Variants in RNF217 observed in about 807,000 individuals in gnomAD.
The protein encoded by RNF217 is ring finger protein 217, also known as E3 ubiquitin-protein ligase RNF217.
RNF217 carries 31 observed loss-of-function variants against 57.8 expected under a neutral mutation model. That is an observed-to-expected ratio of 0.54 (90% CI 0.40 to 0.72). The LOEUF is 0.72. Among genes scored for constraint, RNF217 ranks in the 30% least tolerant of loss-of-function variants. The pLI is 0.00. For missense variants in RNF217, 696 were observed against 708.3 expected (o/e 0.98, Z 0.20); for synonymous variants, 313 against 294.0 (o/e 1.06, Z -0.66).
intron 1 of RNF217, among the ~76,000 whole-genome samples, chr6:125,020,149 C>G (rs1785780387): frequency 6.6e-6 from 1 of 152,198 alleles, no homozygotes; most frequent in Non-Finnish European, 1.5e-5. Context: ...GCTACCATTG[C>G]AATTCGCAGA....
chr6:125,031,039 A>G lies in RNF217; in HGVS notation c.883-14172A>G, dbSNP rs137942083. Among the ~76,000 whole-genome samples the G allele has an allele frequency of 1.5e-3, 221 of 152,334 alleles. 1 individual carries two copies. The highest frequency in any genetic ancestry group is 5.1e-3 in the African/African-American group (212 of 41,582). On this transcript the variant is annotated intron_variant, in intron 1 of 5. Transcript: ENST00000521654. ...ACTTCTTTGCACATGCACGCGGAAC[A>G]CCACATGGAAGCTGTCAAGGTTTGG...
intron 1 of RNF217, among the ~76,000 whole-genome samples, chr6:125,023,058 T>G (rs1472064315): frequency 6.6e-6 from 1 of 152,054 alleles, no homozygotes; most frequent in Non-Finnish European, 1.5e-5. Flanking sequence ...ACAAACAATT[T>G]TGCTAGAATA....
chr6:125,003,046 A>C (rs1428815568), intron 1 of RNF217, among the ~76,000 whole-genome samples: 1 of 152,196 alleles, frequency 6.6e-6, no homozygotes, highest in East Asian at 1.9e-4. Flanking sequence ...AGTGGTAGCC[A>C]AAGATTAAAT....
intron 1 of RNF217, among the ~76,000 whole-genome samples, chr6:124,987,760 T>G (rs2115033081): frequency 6.6e-6 from 1 of 152,138 alleles, no homozygotes; most frequent in East Asian, 1.9e-4. Flanking sequence ...ATACCTTGCC[T>G]GGCTCTTATT....
intron 3 of RNF217, among the ~76,000 whole-genome samples, chr6:125,076,345 C>G (rs763180093): frequency 6.6e-6 from 1 of 152,122 alleles, no homozygotes; most frequent in Non-Finnish European, 1.5e-5. Flanking sequence ...TAAATTGCCT[C>G]CTAACCGTTG....
At chr6:125,082,707 A>G (rs1240262526) in intron 5 of RNF217, 157 bp from the exon 6 acceptor site, 69 of 1,281,544 alleles carry the variant, frequency 5.4e-5, no homozygotes, top group Non-Finnish European at 2.2e-6. Flanking sequence ...GGGAAATATT[A>G]AAGAATGAAA....
Position 125,092,027 on chromosome 6 carries a change from C to T in RNF217, c.*9090C>T, listed in dbSNP as rs1788968100. On this transcript the variant is annotated 3_prime_UTR_variant, in exon 6 of 6. Coordinates refer to ENST00000521654, the MANE Select transcript of RNF217 (RefSeq NM_001286398.3). Reference sequence around the variant, plus strand: ...AACTAAACCATGTGCTTAGAAAAGACAAAGACAGGTTGTATATGCAGTTAT... The same window carrying T: ...AACTAAACCATGTGCTTAGAAAAGATAAAGACAGGTTGTATATGCAGTTAT... 6.6e-6 allele frequency: 1 copy of T among 150,838 alleles called. No individual in the cohort carries two copies. The allele number at this position is 150,838 out of a possible 1,614,324, so 9.3% of individuals were successfully genotyped here. A position where few individuals can be genotyped will look rare whatever the true frequency, so the allele number is the denominator to read the frequency against.
chr6:124,970,766 C>T (rs147926288), intron 1 of RNF217, among the ~76,000 whole-genome samples: 242 of 152,256 alleles, frequency 1.6e-3, no homozygotes, highest in African/African-American at 5.7e-3. Context: ...GAGTCTGGGA[C>T]ATCAGAAAGA....
intron 1 of RNF217, among the ~76,000 whole-genome samples, chr6:124,989,985 C>T (rs562772438): frequency 1.3e-5 from 2 of 152,126 alleles, no homozygotes; most frequent in South Asian, 4.2e-4. Context: ...AAAGTTGTCT[C>T]CACTCCCATC....
intron 4 of RNF217, among the ~76,000 whole-genome samples, chr6:125,080,609 A>G (rs931921023): frequency 6.6e-6 from 1 of 152,028 alleles, no homozygotes; most frequent in Non-Finnish European, 1.5e-5. Context: ...GTAAGGTTTA[A>G]AATACAATAA....
At chr6:125,036,052 T>G (rs570757151) in intron 1 of RNF217, among the ~76,000 whole-genome samples, 1 of 152,148 alleles carries the variant, frequency 6.6e-6, no homozygotes, top group East Asian at 1.9e-4. Flanking sequence ...CGATAGTTAT[T>G]TCTCCTAATG....
rs560681152 is a variant in RNF217, at chr6:124,985,763, GA to G, written c.882+22338del. Reference sequence around the variant, plus strand: ...ATGTCTAGCTCTGGGAAGGAAGAGAGAGGTAGCAAGGAATTATATTCTTTAT... The same window carrying G: ...ATGTCTAGCTCTGGGAAGGAAGAGAGGGTAGCAAGGAATTATATTCTTTAT... On this transcript the variant is annotated intron_variant, in intron 1 of 5. Transcript: ENST00000521654. Among the ~76,000 whole-genome samples, 441 of 152,242 alleles carry G rather than the reference GA, an allele frequency of 2.9e-3. 2 individuals carry two copies. Among genetic ancestry groups the G allele is most frequent in the African/African-American group, 0.01 (419 of 41,552 alleles).
At chr6:125,027,588 G>A (rs763028755) in intron 1 of RNF217, among the ~76,000 whole-genome samples, 1 of 152,136 alleles carries the variant, frequency 6.6e-6, no homozygotes, top group Non-Finnish European at 1.5e-5. Context: ...CGAAATCTTA[G>A]CTGTTGTAAA....
chr6:125,012,856 C>T (rs554481133), intron 1 of RNF217, among the ~76,000 whole-genome samples: 14 of 152,176 alleles, frequency 9.2e-5, no homozygotes, highest in African/African-American at 3.1e-4. Context: ...CACTATATTC[C>T]ACTTCCTTTT....
chr6:125,071,977 A>G (rs1241239949), intron 3 of RNF217, among the ~76,000 whole-genome samples: 1 of 152,218 alleles, frequency 6.6e-6, no homozygotes, highest in Non-Finnish European at 1.5e-5. Context: ...AATAAAAAAT[A>G]AAAACAGCTT....
chr6:125,059,985 G>A (rs1787671059), intron 3 of RNF217, among the ~76,000 whole-genome samples: 1 of 152,134 alleles, frequency 6.6e-6, no homozygotes, highest in African/African-American at 2.4e-5. Flanking sequence ...ATTTTATGAT[G>A]TGTTTGGAGT....
chr6:125,058,097 A>G lies in RNF217; in HGVS notation c.1272A>G (p.Pro424=), dbSNP rs756585261. ...GGCAGAGGAATGCCCAGAAGTGTCCAAAGTGCAAGGTGAGATAACTTTTAG... is the reference window on the plus strand; with the variant it reads ...GGCAGAGGAATGCCCAGAAGTGTCCGAAGTGCAAGGTGAGATAACTTTTAG... ...EHGQRNAQKC[P]KCKIHIQRTE... is the part of the protein sequence containing the mutation. Residue 424 remains proline (P), a synonymous_variant, in exon 3 of 6, where the codon CCA becomes CCG. Transcript: ENST00000521654. 2.5e-6 allele frequency: 4 copies of G among 1,611,028 alleles called. No homozygotes were observed. In the African/African-American group the frequency reaches 5.3e-5, roughly 22 times the overall value.
chr6:125,071,174 C>A (rs1270024870), intron 3 of RNF217, among the ~76,000 whole-genome samples: 1 of 152,114 alleles, frequency 6.6e-6, no homozygotes, highest in Non-Finnish European at 1.5e-5. Context: ...TTAGGATGGT[C>A]TGACATGATT....
intron 1 of RNF217, among the ~76,000 whole-genome samples, chr6:124,992,904 C>T (rs940170666): frequency 1.3e-5 from 2 of 151,924 alleles, no homozygotes; most frequent in African/African-American, 4.8e-5. Flanking sequence ...CGATTTATGT[C>T]TTTGATGATG....
Sources: gnomAD v4.1 joint callset for allele counts (sites outside exome capture counted in the v4.1 genomes callset) on GRCh38, gnomAD v4.1.1 for gene constraint, MANE v1.5 for transcripts, NCBI Gene and HGNC (gene_info 2026-07-23, HGNC 2026-07-21) for gene names.